RC3H1: variants seen among roughly 807,000 people sequenced by gnomAD.
RC3H1 encodes ring finger and CCCH-type domains 1, also known as roquin-1.
RC3H1 carries 50 observed loss-of-function variants against 138.2 expected under a neutral mutation model. The observed-to-expected ratio is 0.36, with a 90% CI of 0.29 to 0.46. The LOEUF is 0.46. Among genes scored for constraint, RC3H1 ranks in the 20% least tolerant of loss-of-function variants. RC3H1 has a pLI of 1.00. For synonymous variants in RC3H1, 462 were observed against 489.1 expected, an observed-to-expected ratio of 0.94 and a Z score of 0.73; for missense variants, 1,031 against 1,388.1, an observed-to-expected ratio of 0.74 and a Z score of 4.09.
intron 1 of RC3H1, among the ~76,000 whole-genome samples, chr1:174,021,115 T>C (rs1245288760): frequency 1.3e-5 from 2 of 152,244 alleles, no homozygotes; most frequent in Non-Finnish European, 1.5e-5. Context: ...AGAAGCTCTA[T>C]GGCCGGAGAT....
rs1033994466 is a variant in RC3H1 at position 173,933,809 on chromosome 1, G to C, written c.*4912C>G. ...ACTGCTTGCTTGTTTAGGTGCTAAT[G>C]ATGAAAGTAAAATTTGCTTTAGTTT... On this transcript the variant is annotated 3_prime_UTR_variant, in exon 20 of 20. Coordinates refer to ENST00000367696, the MANE Select transcript of RC3H1 (RefSeq NM_172071.4). 12 of 152,134 alleles carry C rather than the reference G, an allele frequency of 7.9e-5. No individual in the cohort carries two copies. Among genetic ancestry groups the C allele is most frequent in the African/African-American group, 2.9e-4 (12 of 41,430 alleles). The allele number at this position is 152,134 out of a possible 1,614,324, so 9.4% of individuals were successfully genotyped here.
In RC3H1 at chr1:173,936,935, A is replaced by C. The variant is rs1357902920; in HGVS notation, c.*1786T>G. ...ACCCAATATATATACAGATATAGCT[A>C]TGTATATATGTATATATATAATATA... On this transcript the variant is annotated 3_prime_UTR_variant, in exon 20 of 20. Transcript: ENST00000367696. The C allele has an allele frequency of 1.8e-4, 26 of 147,292 alleles. No homozygotes were observed. In the Admixed American group the frequency reaches 1.8e-3, roughly 10 times the overall value. The allele number at this position is 147,292 out of a possible 1,614,324, so 9.1% of individuals were successfully genotyped here.
At chr1:173,971,265 T>C (rs1660350204) in intron 8 of RC3H1, among the ~76,000 whole-genome samples, 1 of 152,234 alleles carries the variant, frequency 6.6e-6, no homozygotes, top group East Asian at 1.9e-4. Context: ...GCCCAGCCCA[T>C]TTCCACATTT....
At chr1:174,010,757 C>G (rs1477350664) in intron 1 of RC3H1, among the ~76,000 whole-genome samples, 4 of 152,130 alleles carry the variant, frequency 2.6e-5, no homozygotes, top group African/African-American at 9.7e-5. Flanking sequence ...CTACCTTCCT[C>G]ACAGCTGATA....
chr1:173,973,794 A>G (rs1450070263), intron 7 of RC3H1, among the ~76,000 whole-genome samples: 1 of 152,194 alleles, frequency 6.6e-6, no homozygotes, highest in Non-Finnish European at 1.5e-5. Flanking sequence ...GACACATGGA[A>G]TCTGAAAAGG....
intron 2 of RC3H1, among the ~76,000 whole-genome samples, chr1:173,985,909 C>T (rs968763249): frequency 2.0e-5 from 3 of 152,190 alleles, no homozygotes; most frequent in Admixed American, 2.0e-4. Flanking sequence ...TATTCAGATC[C>T]TTTGCCCATT....
chr1:173,989,301 T>G (rs989601042), intron 2 of RC3H1, among the ~76,000 whole-genome samples: 1 of 152,106 alleles, frequency 6.6e-6, no homozygotes, highest in Admixed American at 6.5e-5. Context: ...GCTCAGGTGA[T>G]GCTCCCACCT....
intron 13 of RC3H1, among the ~76,000 whole-genome samples, chr1:173,958,628 C>T (rs1402409037): frequency 6.6e-6 from 1 of 151,760 alleles, no homozygotes; most frequent in East Asian, 1.9e-4. Flanking sequence ...AAAAAAATTA[C>T]CAATATAGAA....
At chr1:173,987,509 T>A (rs925047006) in intron 2 of RC3H1, among the ~76,000 whole-genome samples, 1 of 152,230 alleles carries the variant, frequency 6.6e-6, no homozygotes, top group African/African-American at 2.4e-5. Context: ...AATACTTCTC[T>A]ATACTTTCCA....
At chr1:173,982,929 TTTA>T in intron 4 of RC3H1, 27 bp from the exon 5 acceptor site, 1 of 1,588,200 alleles carries the variant, frequency 6.3e-7, no homozygotes, top group Non-Finnish European at 8.6e-7. Flanking sequence ...AAAACCAAAA[TTTA>T]TCAAGTACAT....
intron 14 of RC3H1, among the ~76,000 whole-genome samples, chr1:173,950,230 G>A (rs1244581173): frequency 6.6e-6 from 1 of 151,896 alleles, no homozygotes; most frequent in Non-Finnish European, 1.5e-5. Context: ...AAGCTGAAGT[G>A]TACAATTTAC....
chr1:173,964,802 A>G (rs753061034), intron 10 of RC3H1, 37 bp downstream of exon 10: 1 of 1,551,132 alleles, frequency 6.4e-7, no homozygotes, highest in Non-Finnish European at 8.8e-7. Flanking sequence ...CTTTATGAAG[A>G]AGAAATTTTG....
intron 14 of RC3H1, among the ~76,000 whole-genome samples, chr1:173,949,592 C>T (rs1442179540): frequency 1.3e-5 from 2 of 152,080 alleles, no homozygotes; most frequent in African/African-American, 4.8e-5. Context: ...TGGTCTCAAA[C>T]TCCTGACCTC....
At chr1:173,962,157 AT>A in intron 11 of RC3H1, 62 bp from the exon 12 acceptor site, 1 of 1,445,600 alleles carries the variant, frequency 6.9e-7, no homozygotes, top group South Asian at 1.4e-5. Flanking sequence ...TCTATGTAAG[AT>A]TTTACCTTTT....
intron 2 of RC3H1, among the ~76,000 whole-genome samples, chr1:173,990,848 C>T (rs1346184050): frequency 4.6e-5 from 7 of 151,488 alleles, no homozygotes; most frequent in East Asian, 2.0e-4. Flanking sequence ...GTGATCCACC[C>T]GCCTCGGCCT....
chr1:173,946,945 T>C, intron 15 of RC3H1, 109 bp from the exon 16 acceptor site: 1 of 739,072 alleles, frequency 1.4e-6, no homozygotes, highest in South Asian at 1.7e-5. Flanking sequence ...ATCTGGTATC[T>C]ACCCTAAATG....
rs189348729 is a variant in RC3H1 at position 174,006,869 on chromosome 1, G to A, written c.-150-13734C>T. 3.4e-3 allele frequency among the ~76,000 whole-genome samples: 517 copies of A among 152,182 alleles called. 1 individual carries two copies. The highest frequency in any genetic ancestry group is 0.02 in the Middle Eastern group (6 of 294). ...TAAAATGAATCATATATCTTAAGAC[G>A]CCTTACTGATATTTTAAGATGAAGT... On this transcript the variant is annotated intron_variant, in intron 1 of 19. Transcript: ENST00000367696.
chr1:173,984,859 C>A (rs1044969683), intron 2 of RC3H1, among the ~76,000 whole-genome samples: 1 of 152,166 alleles, frequency 6.6e-6, no homozygotes, highest in Non-Finnish European at 1.5e-5. Context: ...AAAGTACATA[C>A]AATTCCCTGG....
At position 173,964,156 on chromosome 1, in the gene RC3H1, A is replaced by C; in HGVS notation, c.1648T>G (p.Leu550Val). 1 of 1,614,052 alleles carries C rather than the reference A, an allele frequency of 6.2e-7. No individual in the cohort carries two copies. The highest frequency in any genetic ancestry group is 1.3e-5 in the African/African-American group (1 of 75,044). ...GGTATAGAATGTGGATTCACAGGTA[A>C]GGCAGAAATACTCTTAGGAACAGAT... is the stretch of plus-strand genomic sequence containing the variant. ...LESVPKSISALPVNPHSIPPR... is the reference protein window; with the variant it reads ...LESVPKSISAVPVNPHSIPPR... Residue 550 changes from leucine to valine, a missense_variant, in exon 11 of 20, where the codon TTA (leucine) becomes GTA (valine). Leu to Val is a conservative substitution (Grantham distance 32, BLOSUM62 1). Transcript: ENST00000367696.
Sources: allele counts gnomAD v4.1 joint callset (sites outside exome capture counted in the v4.1 genomes callset), GRCh38; gene constraint gnomAD v4.1.1; transcripts MANE v1.5; gene names NCBI Gene and HGNC (gene_info 2026-07-23, HGNC 2026-07-21).